Variants in ANO3 observed in about 807,000 individuals in gnomAD.
ANO3 encodes the protein anoctamin-3.
Under a neutral mutation model 144.8 loss-of-function variants are expected in ANO3, and 99 were observed. That is an observed-to-expected ratio of 0.68 (90% confidence interval 0.58 to 0.81). The LOEUF (loss-of-function observed/expected upper bound fraction) is 0.81. Ranked by LOEUF, ANO3 falls within the 30% of genes least tolerant of loss-of-function variation. The probability of loss-of-function intolerance (pLI) is 0.00; values close to 1 mark genes in which losing one functional copy is unlikely to be tolerated. For missense variants in ANO3, 905 were observed against 1,202.2 expected (o/e 0.75, Z 3.66); for synonymous variants, 414 against 392.6 (o/e 1.05, Z -0.64).
intron 14 of ANO3, among the ~76,000 whole-genome samples, chr11:26,590,836 A>G (rs1228302758): frequency 1.3e-5 from 2 of 152,094 alleles, no homozygotes; most frequent in Non-Finnish European, 2.9e-5. Context: ...CGGCAAGCGA[A>G]AGCTCAGCTT....
At chr11:26,656,611 A>G (rs774263662) in intron 26 of ANO3, 130 bp downstream of exon 26, 6 of 641,262 alleles carry the variant, frequency 9.4e-6, no homozygotes, top group Non-Finnish European at 1.7e-5. Context: ...AAAGGCTTTA[A>G]TACAATGAAA....
chr11:26,215,688 C>T (rs747944213), intron 1 of ANO3, among the ~76,000 whole-genome samples: 31 of 149,314 alleles, frequency 2.1e-4, no homozygotes, highest in African/African-American at 3.4e-4. Context: ...AATATGTATG[C>T]GGTGAATAAT....
intron 1 of ANO3, among the ~76,000 whole-genome samples, chr11:26,364,879 C>G (rs1263550512): frequency 6.6e-6 from 1 of 152,184 alleles, no homozygotes; most frequent in Non-Finnish European, 1.5e-5. Context: ...TATCCCTCTC[C>G]CATTGCGAAA....
chr11:26,545,178 T>G (rs1849755699), intron 11 of ANO3, among the ~76,000 whole-genome samples: 1 of 152,064 alleles, frequency 6.6e-6, no homozygotes, highest in African/African-American at 2.4e-5. Flanking sequence ...AGGACATGCA[T>G]CTCTTATTGT....
intron 1 of ANO3, among the ~76,000 whole-genome samples, chr11:26,384,643 A>G (rs1279214301): frequency 6.6e-6 from 1 of 152,192 alleles, no homozygotes; most frequent in East Asian, 1.9e-4. Flanking sequence ...AACATATGCC[A>G]CATCTTTCCA....
At chr11:26,293,398 C>G (rs1470474016) in intron 1 of ANO3, among the ~76,000 whole-genome samples, 1 of 150,894 alleles carries the variant, frequency 6.6e-6, no homozygotes. Flanking sequence ...CATTTTTTCT[C>G]CCAACTTACT....
chr11:26,456,942 G>A (rs1461683993), intron 3 of ANO3, among the ~76,000 whole-genome samples: 2 of 150,440 alleles, frequency 1.3e-5, no homozygotes, highest in East Asian at 2.0e-4. Flanking sequence ...GGATGAAATT[G>A]GAAATCATCA....
At chr11:26,564,774 T>C (rs1165162719) in intron 14 of ANO3, among the ~76,000 whole-genome samples, 7 of 99,606 alleles carry the variant, frequency 7.0e-5, no homozygotes, top group East Asian at 3.0e-4. Context: ...TATATATATA[T>C]ATATATATAT....
At chr11:26,346,186 G>C (rs1204841880) in intron 1 of ANO3, among the ~76,000 whole-genome samples, 1 of 152,058 alleles carries the variant, frequency 6.6e-6, no homozygotes, top group East Asian at 1.9e-4. Context: ...GGAAAACATG[G>C]GATAAAATCC....
chr11:26,190,283 CCAGT>C (rs1851450506), intron 1 of ANO3, among the ~76,000 whole-genome samples: 1 of 151,978 alleles, frequency 6.6e-6, no homozygotes, highest in South Asian at 2.1e-4. Flanking sequence ...TATATAACCC[CCAGT>C]CAATCTCTGA....
chr11:26,206,843 G>A (rs550634803), intron 1 of ANO3, among the ~76,000 whole-genome samples: 7 of 152,262 alleles, frequency 4.6e-5, no homozygotes, highest in African/African-American at 1.7e-4. Context: ...AAACTGCGCC[G>A]TTTCAGTTTA....
chr11:26,460,455 A>AGAAGGAAGGAAG (rs1355892344), intron 3 of ANO3, among the ~76,000 whole-genome samples: 1 of 150,166 alleles, frequency 6.7e-6, no homozygotes, highest in African/African-American at 2.5e-5. Context: ...AAAGAAGGAA[A>AGAAGGAAGGAAG]GAAGGAAGGA....
chr11:26,613,835 G>C (rs58449812), intron 17 of ANO3, among the ~76,000 whole-genome samples: 1 of 152,090 alleles, frequency 6.6e-6, no homozygotes, highest in Non-Finnish European at 1.5e-5. Context: ...CTGGGGCAGC[G>C]GGCTGGATGT....
chr11:26,338,441 A>G (rs947385018), intron 1 of ANO3, among the ~76,000 whole-genome samples: 8 of 152,136 alleles, frequency 5.3e-5, no homozygotes, highest in African/African-American at 1.4e-4. Flanking sequence ...TGTAAAATGG[A>G]CCAATCAGCA....
At chr11:26,651,340 C>T (rs539587481) in intron 24 of ANO3, among the ~76,000 whole-genome samples, 1 of 152,082 alleles carries the variant, frequency 6.6e-6, no homozygotes, top group Non-Finnish European at 1.5e-5. Context: ...AGAGCTTTGA[C>T]GGAATGTCAA....
intron 4 of ANO3, among the ~76,000 whole-genome samples, chr11:26,496,342 T>C (rs1456245359): frequency 6.6e-6 from 1 of 152,178 alleles, no homozygotes; most frequent in Non-Finnish European, 1.5e-5. Flanking sequence ...TCTGACTCGT[T>C]CACCAGTGTA....
intron 1 of ANO3, among the ~76,000 whole-genome samples, chr11:26,253,370 T>C (rs933037834): frequency 2.0e-5 from 3 of 151,798 alleles, no homozygotes; most frequent in Non-Finnish European, 4.4e-5. Context: ...CATGGACACA[T>C]AGAGAAAAAC....
chr11:26,639,430 G>A (rs187842017), intron 21 of ANO3, among the ~76,000 whole-genome samples, 189 bp downstream of exon 21: 18 of 152,232 alleles, frequency 1.2e-4, no homozygotes, highest in African/African-American at 3.4e-4. Flanking sequence ...CACTAAGAAT[G>A]TATCAACAAT....
chr11:26,571,023 C>T (rs558224615), intron 14 of ANO3, among the ~76,000 whole-genome samples: 16 of 151,958 alleles, frequency 1.1e-4, no homozygotes, highest in Non-Finnish European at 2.2e-4. Context: ...AAGAAAAAAA[C>T]AAATTTCAGA....
Sources: allele counts gnomAD v4.1 joint callset (sites outside exome capture counted in the v4.1 genomes callset), GRCh38; gene constraint gnomAD v4.1.1; transcripts MANE v1.5; gene names NCBI Gene and HGNC (gene_info 2026-07-23, HGNC 2026-07-21).